Variants in RALGPS2 observed in about 807,000 individuals in gnomAD.
RALGPS2 encodes Ral GEF with PH domain and SH3 binding motif 2.
A neutral mutation model predicts 86.8 loss-of-function variants in RALGPS2; 43 were observed. The observed-to-expected ratio is 0.50, with a 90% CI of 0.39 to 0.64. The LOEUF (loss-of-function observed/expected upper bound fraction) is 0.64, where lower values mean the gene tolerates loss of function less well. RALGPS2 is among the 30% of genes least tolerant of loss of function. RALGPS2 has a pLI of 0.00. For synonymous variants in RALGPS2, 243 were observed against 231.3 expected (o/e 1.05, Z -0.46); for missense variants, 536 against 694.6 (o/e 0.77, Z 2.57).
At chr1:178,760,917 A>C (rs1336297380) in intron 1 of RALGPS2, among the ~76,000 whole-genome samples, 1 of 151,238 alleles carries the variant, frequency 6.6e-6, no homozygotes, top group African/African-American at 2.4e-5. Context: ...CTCTTTCAGG[A>C]GTGCCAATAA....
At chr1:178,858,316 T>A (rs1009340343) in intron 8 of RALGPS2, among the ~76,000 whole-genome samples, 12 of 152,286 alleles carry the variant, frequency 7.9e-5, no homozygotes, top group Admixed American at 2.0e-4. Flanking sequence ...ATTGTCCCTA[T>A]CTTAAATGTT....
At chr1:178,867,990 AATT>A (rs1225866433) in intron 8 of RALGPS2, among the ~76,000 whole-genome samples, 4 of 151,968 alleles carry the variant, frequency 2.6e-5, no homozygotes, top group African/African-American at 7.2e-5. Context: ...GAGTATGGAG[AATT>A]ATTATTATTT....
At position 178,810,008 on chromosome 1, in the gene RALGPS2, C is replaced by T. The variant is rs146296216; in HGVS notation, c.298-1307C>T. ...AGTGCCTGTAGTTCCAGCTGCTGGG[C>T]GGCTGAGACAGGAGGATCACTTGAG... On this transcript the variant is annotated intron_variant, in intron 5 of 19. Transcript: ENST00000367635. Among the ~76,000 whole-genome samples the T allele has an allele frequency of 3.7e-3, 559 of 151,812 alleles. 5 individuals are homozygous for T. The highest frequency in any genetic ancestry group is 0.012 in the African/African-American group (504 of 41,366).
intron 8 of RALGPS2, chr1:178,851,430 A>C: frequency 1.1e-6 from 1 of 919,624 alleles, no homozygotes; most frequent in Non-Finnish European, 1.5e-6. Context: ...AATCCCAGTT[A>C]CCTTTATCTC....
intron 1 of RALGPS2, among the ~76,000 whole-genome samples, chr1:178,726,653 A>G (rs1442348463): frequency 1.3e-5 from 2 of 151,738 alleles, no homozygotes; most frequent in Non-Finnish European, 2.9e-5. Context: ...TGCTCCCTGG[A>G]TTTTTTTTCC....
chr1:178,772,515 G>C (rs1316471077), intron 1 of RALGPS2, among the ~76,000 whole-genome samples: 2 of 152,124 alleles, frequency 1.3e-5, no homozygotes, highest in African/African-American at 4.8e-5. Flanking sequence ...TTTCTGTACA[G>C]GAGATAAAGC....
Position 178,784,521 on chromosome 1 carries a change from C to T in RALGPS2, c.161C>T (p.Ala54Val). 6.3e-7 allele frequency: 1 copy of T among 1,580,680 alleles called. No individual in the cohort carries two copies. Among genetic ancestry groups the T allele is most frequent in the Non-Finnish European group, 8.6e-7 (1 of 1,157,548 alleles). The change falls in exon 3 of 20, where the codon GCG becomes GTG. Residue 54 changes from alanine (A) to valine (V), a missense_variant and splice_region_variant. Transcript: ENST00000367635. Reference sequence around the variant, plus strand: ...CTTAAGGTTACACCAGAAGAATATGCGGTAAGCCTCCTACCTCTGTCTTCT... The same window carrying T: ...CTTAAGGTTACACCAGAAGAATATGTGGTAAGCCTCCTACCTCTGTCTTCT... ...DVLKVTPEEY[A>V]GQITLMDVPV...
At chr1:178,776,369 C>G (rs1311600985) in intron 1 of RALGPS2, among the ~76,000 whole-genome samples, 1 of 152,154 alleles carries the variant, frequency 6.6e-6, no homozygotes, top group Non-Finnish European at 1.5e-5. Flanking sequence ...TGTTTTTACA[C>G]ATTTTATTTA....
rs369439284 is a variant in RALGPS2, at chr1:178,920,784, G to C, written c.*4425G>C. 1 of 151,946 alleles carries C rather than the reference G, an allele frequency of 6.6e-6. No homozygotes were observed. The highest frequency in any genetic ancestry group is 1.9e-4 in the East Asian group (1 of 5,192). The allele number at this position is 151,946 out of a possible 1,614,324, so 9.4% of individuals were successfully genotyped here. On this transcript the variant is annotated 3_prime_UTR_variant, in exon 20 of 20. Transcript: ENST00000367635. ...GAATAAGATACAACCAGAAATATTT[G>C]AGTTTTGTTAAATGTACTGAAATCT...
chr1:178,745,296 T>C (rs114162769), intron 1 of RALGPS2, among the ~76,000 whole-genome samples: 4,582 of 152,182 alleles, frequency 0.03, 226 homozygotes, highest in African/African-American at 0.1. Flanking sequence ...CGTGTGGAAA[T>C]GTAAAGGACG....
At chr1:178,735,575 C>T (rs1381472850) in intron 1 of RALGPS2, among the ~76,000 whole-genome samples, 2 of 149,750 alleles carry the variant, frequency 1.3e-5, no homozygotes, top group African/African-American at 2.5e-5. Flanking sequence ...AGGCACGTGC[C>T]ACCATGCCCA....
chr1:178,886,908 T>A (rs187450328), intron 13 of RALGPS2, among the ~76,000 whole-genome samples: 6 of 152,118 alleles, frequency 3.9e-5, no homozygotes, highest in African/African-American at 1.4e-4. Flanking sequence ...ACTGGGGGAT[T>A]TGGCAAGATA....
At chr1:178,814,391 A>G (rs993046856) in intron 6 of RALGPS2, among the ~76,000 whole-genome samples, 1 of 152,170 alleles carries the variant, frequency 6.6e-6, no homozygotes, top group Admixed American at 6.5e-5. Flanking sequence ...TTGAAGCCCT[A>G]GAAATACAGA....
intron 10 of RALGPS2, chr1:178,879,619 ACTGT>A (rs1558167701): frequency 6.6e-6 from 1 of 152,098 alleles, no homozygotes; most frequent in African/African-American, 2.4e-5. Flanking sequence ...ATAGTGAAAC[ACTGT>A]CTGTACTAAA....
In RALGPS2 at chr1:178,921,040, G is replaced by A. The variant is rs777158900; in HGVS notation, c.*4681G>A. On this transcript the variant is annotated 3_prime_UTR_variant, in exon 20 of 20. Transcript: ENST00000367635. Reference sequence around the variant, plus strand: ...AATATTTTGCTTCTCTCAGATTATTGGAAGACCTAGAGCTACTGGATGTTA... The same window carrying A: ...AATATTTTGCTTCTCTCAGATTATTAGAAGACCTAGAGCTACTGGATGTTA... 4.6e-5 allele frequency: 7 copies of A among 151,940 alleles called. No individual in the cohort carries two copies. The highest frequency in any genetic ancestry group is 1.0e-4 in the Non-Finnish European group (7 of 67,908). The allele number at this position is 151,940 out of a possible 1,614,324, so 9.4% of individuals were successfully genotyped here.
chr1:178,731,138 GAT>G lies in RALGPS2; in HGVS notation c.-84+5720_-84+5721del, dbSNP rs906639934. 2.5e-4 allele frequency among the ~76,000 whole-genome samples: 38 copies of G among 152,098 alleles called. 1 individual carries two copies. The highest frequency in any genetic ancestry group is 8.2e-4 in the African/African-American group (34 of 41,416). On this transcript the variant is annotated intron_variant, in intron 1 of 19. Coordinates refer to ENST00000367635, the MANE Select transcript of RALGPS2 (RefSeq NM_152663.5). ...GTATATGAAGAGGTAAAATTTGTGA[GAT>G]GTGTGTATTGCTGAAAATATTTTCC...
intron 7 of RALGPS2, among the ~76,000 whole-genome samples, chr1:178,822,951 CTG>C (rs2102227932): frequency 6.6e-6 from 1 of 152,300 alleles, no homozygotes; most frequent in South Asian, 2.1e-4. Context: ...TCCCAAGTAA[CTG>C]GACTACAGGC....
At chr1:178,878,160 A>C (rs1484898519) in intron 9 of RALGPS2, among the ~76,000 whole-genome samples, 1 of 152,136 alleles carries the variant, frequency 6.6e-6, no homozygotes, top group Non-Finnish European at 1.5e-5. Flanking sequence ...TTTTTGTCCA[A>C]CATGTATTTT....
chr1:178,747,208 C>T, intron 1 of RALGPS2: 1 of 1,295,052 alleles, frequency 7.7e-7, no homozygotes, highest in Non-Finnish European at 1.1e-6. Context: ...TACGGTGGAT[C>T]ACCACAGGTC....
Sources: gnomAD v4.1 joint callset for allele counts (sites outside exome capture counted in the v4.1 genomes callset) on GRCh38, gnomAD v4.1.1 for gene constraint, MANE v1.5 for transcripts, NCBI Gene and HGNC (gene_info 2026-07-23, HGNC 2026-07-21) for gene names.